Variants in KCNIP1 observed in about 807,000 individuals in gnomAD.
KCNIP1 encodes potassium voltage-gated channel interacting protein 1, also known as A-type potassium channel modulatory protein KCNIP1.
A neutral mutation model predicts 33.0 loss-of-function variants in KCNIP1; 18 were observed. The ratio of observed to expected loss-of-function variants is 0.55; its 90% CI spans 0.38 to 0.81. The LOEUF is 0.81. Ranked by LOEUF, KCNIP1 falls within the 30% of genes least tolerant of loss-of-function variation. The probability of loss-of-function intolerance (pLI) is 0.00; values close to 1 mark genes in which losing one functional copy is unlikely to be tolerated. For missense variants in KCNIP1, 238 were observed against 271.6 expected, an observed-to-expected ratio of 0.88 and a Z score of 0.87; for synonymous variants, 93 against 98.3, an observed-to-expected ratio of 0.95 and a Z score of 0.32.
chr5:170,655,345 G>T (rs1761217666), intron 1 of KCNIP1, among the ~76,000 whole-genome samples: 2 of 152,182 alleles, frequency 1.3e-5, no homozygotes, highest in Non-Finnish European at 2.9e-5. Flanking sequence ...TGAGATGCTT[G>T]CCTAGAGGAG....
intron 1 of KCNIP1, among the ~76,000 whole-genome samples, chr5:170,455,226 G>A (rs1186605891): frequency 6.6e-6 from 1 of 152,104 alleles, no homozygotes; most frequent in Non-Finnish European, 1.5e-5. Context: ...TAGGCCTAAT[G>A]GATATCTATA....
chr5:170,704,626 T>C (rs1196325190), intron 1 of KCNIP1, among the ~76,000 whole-genome samples: 3 of 151,210 alleles, frequency 2.0e-5, no homozygotes, highest in African/African-American at 7.3e-5. Context: ...AGGTGGGGGG[T>C]TGTTGTGGGG....
intron 1 of KCNIP1, among the ~76,000 whole-genome samples, chr5:170,453,847 G>A (rs1307786877): frequency 6.6e-6 from 1 of 152,062 alleles, no homozygotes; most frequent in South Asian, 2.1e-4. Context: ...AGAAACAGAC[G>A]TCCTTGGTTC....
At chr5:170,518,851 A>G (rs1755250942) in intron 1 of KCNIP1, among the ~76,000 whole-genome samples, 1 of 152,168 alleles carries the variant, frequency 6.6e-6, no homozygotes, top group Admixed American at 6.5e-5. Flanking sequence ...CTGCTTCTGG[A>G]GAGTCCAAGC....
At chr5:170,626,140 C>T (rs1759811829) in intron 1 of KCNIP1, among the ~76,000 whole-genome samples, 1 of 152,192 alleles carries the variant, frequency 6.6e-6, no homozygotes. Flanking sequence ...TATGATCATG[C>T]CTGTAGCTGC....
At chr5:170,416,151 G>A (rs768199774) in intron 1 of KCNIP1, among the ~76,000 whole-genome samples, 4 of 152,014 alleles carry the variant, frequency 2.6e-5, no homozygotes, top group Admixed American at 1.3e-4. Context: ...TCTCCTTGTC[G>A]CCCAGCCTCA....
intron 1 of KCNIP1, chr5:170,378,808 G>T (rs1764114488): frequency 1.2e-6 from 2 of 1,614,266 alleles, no homozygotes; most frequent in Admixed American, 3.3e-5. Flanking sequence ...AGGGAGAAGA[G>T]GAGGGCCTGG....
chr5:170,624,172 A>G (rs1039330908), intron 1 of KCNIP1, among the ~76,000 whole-genome samples: 5 of 152,274 alleles, frequency 3.3e-5, no homozygotes, highest in Non-Finnish European at 4.4e-5. Flanking sequence ...GGTCATACCC[A>G]TAAATCAACA....
chr5:170,676,872 T>A lies in KCNIP1; in HGVS notation c.62-41886T>A, dbSNP rs181338889. The stretch of plus-strand genomic sequence containing the variant: ...TTTTGTGACTGCTAGAGGCCAATAC[T>A]CAAGTGAAGTTTAAGCAAAAACAAA... On this transcript the variant is annotated intron_variant, in intron 1 of 7. Transcript: ENST00000328939. 3.0e-3 allele frequency among the ~76,000 whole-genome samples: 460 copies of A among 152,320 alleles called. 1 individual carries two copies. The highest frequency in any genetic ancestry group is 4.6e-3 in the South Asian group (22 of 4,824).
chr5:170,712,826 G>A, intron 1 of KCNIP1: 2 of 1,611,490 alleles, frequency 1.2e-6, no homozygotes, highest in South Asian at 2.2e-5. Context: ...GAATCGATTT[G>A]GTAAAATGTT....
intron 1 of KCNIP1, among the ~76,000 whole-genome samples, chr5:170,511,775 G>T (rs1754939262): frequency 6.6e-6 from 1 of 152,170 alleles, no homozygotes; most frequent in African/African-American, 2.4e-5. Context: ...GGGTCATAGA[G>T]CTTGGGAATC....
At chr5:170,686,631 G>C (rs1174973499) in intron 1 of KCNIP1, among the ~76,000 whole-genome samples, 1 of 152,184 alleles carries the variant, frequency 6.6e-6, no homozygotes, top group Non-Finnish European at 1.5e-5. Flanking sequence ...GACAAAGCCA[G>C]CCCCACAGCT....
chr5:170,388,081 C>T (rs1318030715), intron 1 of KCNIP1, among the ~76,000 whole-genome samples: 2 of 152,190 alleles, frequency 1.3e-5, no homozygotes, highest in African/African-American at 4.8e-5. Flanking sequence ...CCTCTCAGGC[C>T]CCTGGGCACT....
intron 1 of KCNIP1, among the ~76,000 whole-genome samples, chr5:170,367,374 A>AAAGT (rs1763700288): frequency 1.7e-5 from 2 of 119,250 alleles, no homozygotes; most frequent in African/African-American, 7.0e-5. Flanking sequence ...AGAAAGAAAG[A>AAAGT]AAGAAAGAAA....
chr5:170,722,760 G>A lies in KCNIP1; in HGVS notation c.375G>A (p.Glu125=). 1 of 1,614,072 alleles carries A rather than the reference G, an allele frequency of 6.2e-7. No homozygotes were observed. Among genetic ancestry groups the A allele is most frequent in the Non-Finnish European group, 8.5e-7 (1 of 1,179,934 alleles). ...TTTTATTGAGAGGAACTGTCCACGA[G>A]AAACTAAGGTGGACATTTAATTTGT... ...LSILLRGTVH[E]KLRWTFNLYD... is the part of the protein sequence containing the mutation. The change falls in exon 5 of 8, where the codon GAG becomes GAA. Residue 125 remains glutamate, a synonymous_variant. Transcript: ENST00000328939.
chr5:170,636,894 AC>A, intron 1 of KCNIP1, among the ~76,000 whole-genome samples: 1 of 152,208 alleles, frequency 6.6e-6, no homozygotes, highest in East Asian at 1.9e-4. Flanking sequence ...GGGGTGTGAA[AC>A]AACCTCCTCA....
intron 1 of KCNIP1, among the ~76,000 whole-genome samples, chr5:170,550,989 C>T (rs556110951): frequency 6.6e-6 from 1 of 152,292 alleles, no homozygotes; most frequent in East Asian, 1.9e-4. Flanking sequence ...TCTCATTTAC[C>T]TTCTTTCAGT....
intron 1 of KCNIP1, among the ~76,000 whole-genome samples, chr5:170,611,842 A>G (rs1051273517): frequency 2.6e-5 from 4 of 152,232 alleles, no homozygotes; most frequent in Admixed American, 6.5e-5. Context: ...GAGAATCGCT[A>G]CTGAATGACA....
chr5:170,657,075 A>C (rs1761302190), intron 1 of KCNIP1, among the ~76,000 whole-genome samples: 1 of 142,142 alleles, frequency 7.0e-6, no homozygotes, highest in Non-Finnish European at 1.5e-5. Flanking sequence ...AGCTCACTGC[A>C]ACCTCCACCT....
Sources: allele counts gnomAD v4.1 joint callset (sites outside exome capture counted in the v4.1 genomes callset), GRCh38; gene constraint gnomAD v4.1.1; transcripts MANE v1.5; gene names NCBI Gene and HGNC (gene_info 2026-07-23, HGNC 2026-07-21).